Variants in NOS1AP observed in about 807,000 individuals in gnomAD.
The protein encoded by NOS1AP is nitric oxide synthase 1 adaptor protein.
Under a neutral mutation model 56.2 loss-of-function variants are expected in NOS1AP, and 21 were observed. The observed-to-expected ratio is 0.37, with a 90% CI of 0.26 to 0.54. NOS1AP has a LOEUF of 0.54. Ranked by LOEUF, NOS1AP falls within the 20% of genes least tolerant of loss-of-function variation. NOS1AP has a pLI of 0.84. For missense variants in NOS1AP, 522 were observed against 657.8 expected, an observed-to-expected ratio of 0.79 and a Z score of 2.26; for synonymous variants, 270 against 274.6, an observed-to-expected ratio of 0.98 and a Z score of 0.17.
intron 1 of NOS1AP, among the ~76,000 whole-genome samples, chr1:162,136,997 A>G (rs1339094934): frequency 6.6e-6 from 1 of 152,180 alleles, no homozygotes; most frequent in Admixed American, 6.5e-5. Flanking sequence ...TTGCTCATGA[A>G]GATTCTGAGA....
intron 2 of NOS1AP, among the ~76,000 whole-genome samples, chr1:162,210,250 T>C (rs1222718656): frequency 2.0e-5 from 3 of 152,114 alleles, no homozygotes; most frequent in African/African-American, 7.2e-5. Flanking sequence ...TTGAGTGGGT[T>C]CCTTGGATCT....
At chr1:162,187,393 A>G (rs1356652827) in intron 2 of NOS1AP, among the ~76,000 whole-genome samples, 1 of 152,162 alleles carries the variant, frequency 6.6e-6, no homozygotes, top group South Asian at 2.1e-4. Flanking sequence ...ATTAATACAT[A>G]TATTTATTTA....
chr1:162,169,631 CTG>C (rs1650669177), intron 2 of NOS1AP, among the ~76,000 whole-genome samples: 1 of 152,174 alleles, frequency 6.6e-6, no homozygotes, highest in Non-Finnish European at 1.5e-5. Context: ...ACAGAGGAGA[CTG>C]TGCATTGGTA....
intron 6 of NOS1AP, among the ~76,000 whole-genome samples, chr1:162,346,444 AG>A (rs11293463): frequency 0.36 from 54,805 of 152,086 alleles, 10,398 homozygotes; most frequent in East Asian, 0.6. Flanking sequence ...TTGTGAATAA[AG>A]GAAAAAAATA....
At chr1:162,359,982 T>C (rs556247639) in intron 8 of NOS1AP, among the ~76,000 whole-genome samples, 3 of 152,216 alleles carry the variant, frequency 2.0e-5, no homozygotes, top group African/African-American at 7.2e-5. Context: ...GTACCCTTGA[T>C]GTCACTTGTT....
At chr1:162,140,144 G>GT (rs1162829077) in intron 1 of NOS1AP, among the ~76,000 whole-genome samples, 1 of 152,104 alleles carries the variant, frequency 6.6e-6, no homozygotes, top group Non-Finnish European at 1.5e-5. Flanking sequence ...TCTTAATTTT[G>GT]TTTTCTAAAG....
chr1:162,219,008 A>T (rs1652675344), intron 2 of NOS1AP, among the ~76,000 whole-genome samples: 1 of 152,052 alleles, frequency 6.6e-6, no homozygotes, highest in Non-Finnish European at 1.5e-5. Context: ...TGAAGGCCTC[A>T]GGTGCAGCAG....
At chr1:162,148,568 G>A (rs1177848464) in intron 1 of NOS1AP, among the ~76,000 whole-genome samples, 1 of 151,718 alleles carries the variant, frequency 6.6e-6, no homozygotes, top group East Asian at 1.9e-4. Context: ...AAGATACGGT[G>A]TGATTGAGGA....
At chr1:162,126,896 T>C (rs1648513402) in intron 1 of NOS1AP, among the ~76,000 whole-genome samples, 1 of 152,234 alleles carries the variant, frequency 6.6e-6, no homozygotes, top group African/African-American at 2.4e-5. Flanking sequence ...GAATATACAA[T>C]CTTACATTCT....
At chr1:162,155,433 A>G (rs1571072861) in intron 2 of NOS1AP, among the ~76,000 whole-genome samples, 1 of 148,580 alleles carries the variant, frequency 6.7e-6, no homozygotes, top group East Asian at 2.0e-4. Context: ...ATATACATAC[A>G]TATATACATA....
chr1:162,296,789 T>C (rs1655478412), intron 3 of NOS1AP, among the ~76,000 whole-genome samples: 1 of 152,234 alleles, frequency 6.6e-6, no homozygotes, highest in Non-Finnish European at 1.5e-5. Context: ...GCTTTGATGA[T>C]GGAGGCGCAT....
chr1:162,112,876 T>G (rs895479062), intron 1 of NOS1AP, among the ~76,000 whole-genome samples: 9 of 152,200 alleles, frequency 5.9e-5, no homozygotes, highest in African/African-American at 2.2e-4. Flanking sequence ...TTTGCATAAA[T>G]TTATGTTCTT....
rs185913912 is a variant in NOS1AP at position 162,340,965 on chromosome 1, G to C, written c.454-2870G>C. On this transcript the variant is annotated intron_variant, in intron 5 of 9. Transcript: ENST00000361897. Reference sequence around the variant, plus strand: ...TGGCAGAATAGAGATTTGAGCTGGAGTCTATATTCTTAAGATGCTCAGTTC... The same window carrying C: ...TGGCAGAATAGAGATTTGAGCTGGACTCTATATTCTTAAGATGCTCAGTTC... Among the ~76,000 whole-genome samples the C allele has an allele frequency of 9.7e-4, 148 of 152,174 alleles. 1 individual carries two copies. Among genetic ancestry groups the C allele is most frequent in the African/African-American group, 3.3e-3 (138 of 41,552 alleles).
At chr1:162,289,069 T>G (rs1444950093) in intron 3 of NOS1AP, among the ~76,000 whole-genome samples, 2 of 152,048 alleles carry the variant, frequency 1.3e-5, no homozygotes, top group African/African-American at 2.4e-5. Flanking sequence ...AGGAAAAAAA[T>G]GGGCTAATTT....
rs1557898608 is a variant in NOS1AP, at chr1:162,370,406, A to C, written c.*2939A>C. The C allele has an allele frequency of 6.6e-6, 1 of 152,222 alleles. No homozygotes were observed. The highest frequency in any genetic ancestry group is 1.5e-5 in the Non-Finnish European group (1 of 68,040). The allele number at this position is 152,222 out of a possible 1,614,324, so 9.4% of individuals were successfully genotyped here. On this transcript the variant is annotated 3_prime_UTR_variant, in exon 10 of 10. Transcript: ENST00000361897. ...CTCTGGGAAAAGATTCTGTTAATGT[A>C]AGTGCACTTACTCCCTGGATGTTGT... is the stretch of plus-strand genomic sequence containing the variant.
intron 2 of NOS1AP, among the ~76,000 whole-genome samples, chr1:162,285,247 C>G (rs1655053278): frequency 6.6e-6 from 1 of 152,146 alleles, no homozygotes. Context: ...ATTTTAGTGA[C>G]TCGTTCAGAA....
intron 2 of NOS1AP, among the ~76,000 whole-genome samples, chr1:162,262,978 C>A (rs998412219): frequency 3.2e-4 from 48 of 152,188 alleles, no homozygotes; most frequent in South Asian, 2.1e-4. Context: ...CAGAATAATT[C>A]TTCTTAAAGT....
intron 2 of NOS1AP, among the ~76,000 whole-genome samples, chr1:162,217,456 G>T (rs1652618862): frequency 2.0e-5 from 3 of 151,520 alleles, no homozygotes; most frequent in Non-Finnish European, 4.4e-5. Context: ...GTAGAGATGG[G>T]GTTTCACCAT....
At chr1:162,344,133 G>A (rs550974252) in intron 6 of NOS1AP, among the ~76,000 whole-genome samples, 157 bp downstream of exon 6, 5 of 152,118 alleles carry the variant, frequency 3.3e-5, no homozygotes, top group South Asian at 2.1e-4. Flanking sequence ...TAAGGAACAC[G>A]TATTACTTTT....
Sources: allele counts gnomAD v4.1 joint callset (sites outside exome capture counted in the v4.1 genomes callset), GRCh38; gene constraint gnomAD v4.1.1; transcripts MANE v1.5; gene names NCBI Gene and HGNC (gene_info 2026-07-23, HGNC 2026-07-21).